DECR1: variants seen among roughly 807,000 people sequenced by gnomAD.
The protein encoded by DECR1 is 2,4-dienoyl-CoA reductase 1.
A neutral mutation model predicts 38.8 loss-of-function variants in DECR1; 44 were observed. That is an observed-to-expected ratio of 1.13 (90% CI 0.89 to 1.46). The LOEUF (loss-of-function observed/expected upper bound fraction) is 1.46, where lower values mean the gene tolerates loss of function less well. Ranked by LOEUF, DECR1 falls within the 40% of genes most tolerant of loss-of-function variation. The pLI, the probability that DECR1 is intolerant of heterozygous loss-of-function variation, is 0.00. For missense variants in DECR1, 428 were observed against 405.5 expected, an observed-to-expected ratio of 1.06 and a Z score of -0.48; for synonymous variants, 148 against 135.2, an observed-to-expected ratio of 1.09 and a Z score of -0.66.
intron 5 of DECR1, among the ~76,000 whole-genome samples, chr8:90,021,685 G>C (rs1813168284): frequency 6.6e-6 from 1 of 152,150 alleles, no homozygotes; most frequent in Non-Finnish European, 1.5e-5. Flanking sequence ...TTTTCTTTTA[G>C]CAGGTGGCTA....
chr8:90,049,888 C>G (rs1814025820), intron 8 of DECR1, among the ~76,000 whole-genome samples: 1 of 152,170 alleles, frequency 6.6e-6, no homozygotes, highest in African/African-American at 2.4e-5. Context: ...CTACAACCAT[C>G]TGATCTTTGA....
chr8:90,036,768 T>C (rs1813625882), intron 5 of DECR1, 73 bp from the exon 6 acceptor site: 2 of 980,352 alleles, frequency 2.0e-6, no homozygotes, highest in Non-Finnish European at 3.1e-6. Context: ...ATCCCATTTT[T>C]ATAAATAATG....
chr8:90,022,544 G>C (rs779956396), intron 5 of DECR1, among the ~76,000 whole-genome samples: 2 of 151,972 alleles, frequency 1.3e-5, no homozygotes, highest in Admixed American at 6.5e-5. Context: ...GAGTGGGAAG[G>C]GGGGACAGGG....
Position 90,013,873 on chromosome 8 carries a change from C to T in DECR1, c.70-3251C>T, listed in dbSNP as rs1036578109. Among the ~76,000 whole-genome samples, 8 of 152,138 alleles carry T rather than the reference C, an allele frequency of 5.3e-5. No homozygotes were observed. In the East Asian group the frequency reaches 1.5e-3, roughly 29 times the overall value. On this transcript the variant is annotated intron_variant, in intron 1 of 9. Coordinates refer to ENST00000220764, the MANE Select transcript of DECR1 (RefSeq NM_001359.2). ...GAAGGTGCAGTGTCAACTCTCAGAA[C>T]TGCCATTTTGAAGATTAAAAGTATG...
At chr8:90,020,851 C>G in intron 4 of DECR1, 58 bp from the exon 5 acceptor site, 4 of 1,389,810 alleles carry the variant, frequency 2.9e-6, no homozygotes, top group Non-Finnish European at 3.8e-6. Flanking sequence ...AAAAACCCTG[C>G]AGGGAAAATG....
rs948412780 is a variant in DECR1 at position 90,044,976 on chromosome 8, C to G, written c.866C>G (p.Ala289Gly). 2.5e-6 allele frequency: 4 copies of G among 1,613,488 alleles called. No homozygotes were observed. In the African/African-American group the frequency reaches 5.3e-5, roughly 22 times the overall value. ...GCTGCTTTCCTTTGTAGTGATTATG[C>G]TTCTTGGATTAATGGAGCAGTAAGC... Reference protein sequence around the residue: ...NLAAFLCSDYASWINGAVIKF... With the variant: ...NLAAFLCSDYGSWINGAVIKF... Residue 289 changes from alanine to glycine, a missense_variant, in exon 8 of 10, where the codon GCT becomes GGT. Transcript: ENST00000220764.
At chr8:90,026,780 G>A (rs1340416960) in intron 5 of DECR1, among the ~76,000 whole-genome samples, 2 of 152,078 alleles carry the variant, frequency 1.3e-5, no homozygotes, top group Non-Finnish European at 2.9e-5. Context: ...GAATGTGTTT[G>A]CTCTTGCTTC....
intron 7 of DECR1, 26 bp from the exon 8 acceptor site, chr8:90,044,823 A>G (rs1265045255): frequency 6.3e-7 from 1 of 1,596,556 alleles, no homozygotes; most frequent in Admixed American, 1.8e-5. Flanking sequence ...ACCCGACACA[A>G]CCTAATTGTT....
intron 1 of DECR1, among the ~76,000 whole-genome samples, chr8:90,013,752 T>C (rs920839485): frequency 1.3e-5 from 2 of 152,210 alleles, no homozygotes; most frequent in Non-Finnish European, 2.9e-5. Flanking sequence ...TCTACTGTTA[T>C]TTGAGATATT....
intron 1 of DECR1, among the ~76,000 whole-genome samples, chr8:90,011,315 T>A (rs1378290347): frequency 2.0e-5 from 3 of 152,194 alleles, no homozygotes; most frequent in Admixed American, 6.5e-5. Context: ...TATAACTGTA[T>A]TTTGTAATAT....
chr8:90,044,305 G>A (rs1813831860), intron 7 of DECR1, among the ~76,000 whole-genome samples: 1 of 152,180 alleles, frequency 6.6e-6, no homozygotes, highest in Non-Finnish European at 1.5e-5. Context: ...TTATTAATCA[G>A]TGCACATCCA....
At chr8:90,020,298 A>T (rs1288409238) in intron 4 of DECR1, among the ~76,000 whole-genome samples, 1 of 152,234 alleles carries the variant, frequency 6.6e-6, no homozygotes, top group Non-Finnish European at 1.5e-5. Flanking sequence ...CAGAAACAAA[A>T]AGCCATTTCT....
intron 1 of DECR1, chr8:90,005,604 A>G: frequency 2.7e-6 from 1 of 372,650 alleles, no homozygotes; most frequent in Non-Finnish European, 5.2e-6. Context: ...GGCTCCCAAA[A>G]GGAAGAAGAC....
chr8:90,004,602 C>A (rs140049506), intron 1 of DECR1, among the ~76,000 whole-genome samples: 1 of 152,086 alleles, frequency 6.6e-6, no homozygotes, highest in African/African-American at 2.4e-5. Context: ...TGTTTTCTCA[C>A]GATGAATATT....
chr8:90,012,774 C>A (rs1812918127), intron 1 of DECR1, among the ~76,000 whole-genome samples: 1 of 152,160 alleles, frequency 6.6e-6, no homozygotes, highest in South Asian at 2.1e-4. Context: ...AACTCCTTAG[C>A]AGGCCAATTT....
At position 90,017,149 on chromosome 8, in the gene DECR1, T is replaced by C. The variant is rs758575770; in HGVS notation, c.95T>C (p.Leu32Ser). ...TTTTTCAGTTATGGGACAAAAATAT[T>C]ATATCAAAACACTGAAGCTTTGCAA... ...RRFFSYGTKILYQNTEALQSK... is the reference protein window; with the variant it reads ...RRFFSYGTKISYQNTEALQSK... The change falls in exon 2 of 10, where the codon TTA (leucine) becomes TCA (serine). Residue 32 changes from leucine to serine, a missense_variant. Physicochemically the swap from Leu to Ser is moderately radical, Grantham distance 145 (BLOSUM62 -2). Transcript: ENST00000220764. The C allele has an allele frequency of 3.1e-6, 5 of 1,613,842 alleles. No individual in the cohort carries two copies. The Admixed American group carries it at 6.7e-5, about 22-fold the overall frequency.
At chr8:90,012,441 C>T (rs1812909403) in intron 1 of DECR1, among the ~76,000 whole-genome samples, 1 of 152,122 alleles carries the variant, frequency 6.6e-6, no homozygotes, top group Non-Finnish European at 1.5e-5. Context: ...GTGTTAGCTA[C>T]CGTGCCCGGC....
chr8:90,022,779 T>C (rs1482889814), intron 5 of DECR1, among the ~76,000 whole-genome samples: 1 of 152,176 alleles, frequency 6.6e-6, no homozygotes, highest in East Asian at 1.9e-4. Flanking sequence ...CTTTGTCTCT[T>C]ATTTCTTCCC....
intron 7 of DECR1, 25 bp from the exon 8 acceptor site, chr8:90,044,824 C>A (rs748999779): frequency 6.3e-7 from 1 of 1,595,710 alleles, no homozygotes. Flanking sequence ...CCCGACACAA[C>A]CTAATTGTTT....
Sources: allele counts gnomAD v4.1 joint callset (sites outside exome capture counted in the v4.1 genomes callset), GRCh38; gene constraint gnomAD v4.1.1; transcripts MANE v1.5; gene names NCBI Gene and HGNC (gene_info 2026-07-23, HGNC 2026-07-21).